The following IKZF3 variants were observed in gnomAD, a reference collection of about 807,000 sequenced individuals.
The protein encoded by IKZF3 is zinc finger protein Aiolos.
In IKZF3, 10 loss-of-function variants were observed where a neutral mutation model predicts 49.0. That is an observed-to-expected ratio of 0.20 (90% CI 0.13 to 0.35). The LOEUF is 0.35. Ranked by LOEUF, IKZF3 falls within the 10% of genes least tolerant of loss-of-function variation. IKZF3 has a pLI of 1.00. For synonymous variants in IKZF3, 209 were observed against 228.2 expected (o/e 0.92, Z 0.76); for missense variants, 498 against 664.8 (o/e 0.75, Z 2.76).
chr17:39,777,966 G>A, intron 6 of IKZF3, 199 bp from the exon 7 acceptor site: 1 of 1,253,076 alleles, frequency 8.0e-7, no homozygotes, highest in Non-Finnish European at 1.0e-6. Context: ...AAATCTTGCA[G>A]TCTTATGCCG....
intron 1 of IKZF3, among the ~76,000 whole-genome samples, chr17:39,863,192 G>GC (rs1568083579): frequency 6.6e-6 from 1 of 151,782 alleles, no homozygotes; most frequent in Non-Finnish European, 1.5e-5. Flanking sequence ...AAGTTTTCAA[G>GC]CCCTAATTAA....
chr17:39,850,396 G>T (rs1306294480), intron 1 of IKZF3, among the ~76,000 whole-genome samples: 2 of 109,936 alleles, frequency 1.8e-5, no homozygotes, highest in Non-Finnish European at 3.5e-5. Context: ...ATAGCATATT[G>T]TATGTATATA....
intron 1 of IKZF3, among the ~76,000 whole-genome samples, chr17:39,833,235 T>G (rs1226283413): frequency 6.6e-6 from 1 of 152,186 alleles, no homozygotes; most frequent in Non-Finnish European, 1.5e-5. Flanking sequence ...TAACTAAAAT[T>G]CAATATCTGT....
chr17:39,856,104 A>G (rs1232669885), intron 1 of IKZF3, among the ~76,000 whole-genome samples: 4 of 151,030 alleles, frequency 2.6e-5, no homozygotes, highest in Middle Eastern at 3.2e-3. Flanking sequence ...TGTATATTGT[A>G]TATGTACAAT....
At chr17:39,823,703 G>C (rs2061874575) in intron 3 of IKZF3, among the ~76,000 whole-genome samples, 1 of 152,198 alleles carries the variant, frequency 6.6e-6, no homozygotes, top group Non-Finnish European at 1.5e-5. Flanking sequence ...TACAGCTCAG[G>C]CTGTTGCTTC....
intron 3 of IKZF3, among the ~76,000 whole-genome samples, chr17:39,798,842 T>C (rs2061242319): frequency 6.6e-6 from 1 of 152,128 alleles, no homozygotes; most frequent in East Asian, 1.9e-4. Flanking sequence ...ACTAATATGC[T>C]GTCTCCTGGC....
intron 6 of IKZF3, among the ~76,000 whole-genome samples, chr17:39,779,780 T>G (rs1292557040): frequency 6.6e-6 from 1 of 152,084 alleles, no homozygotes; most frequent in African/African-American, 2.4e-5. Flanking sequence ...CATATTGTGA[T>G]GCTGTAAACA....
intron 3 of IKZF3, among the ~76,000 whole-genome samples, chr17:39,794,930 C>A (rs902919944): frequency 2.0e-5 from 3 of 152,116 alleles, no homozygotes; most frequent in Non-Finnish European, 4.4e-5. Context: ...TTTAAAAGAA[C>A]CTCAACGGAA....
At chr17:39,834,349 C>T (rs2062202098) in intron 1 of IKZF3, among the ~76,000 whole-genome samples, 1 of 152,212 alleles carries the variant, frequency 6.6e-6, no homozygotes, top group South Asian at 2.1e-4. Context: ...ATTTTAGTGA[C>T]TGACTTTATT....
At chr17:39,810,587 A>G (rs138157654) in intron 3 of IKZF3, among the ~76,000 whole-genome samples, 1 of 148,876 alleles carries the variant, frequency 6.7e-6, no homozygotes, top group East Asian at 2.0e-4. Flanking sequence ...TGAGTCATCT[A>G]TTGTTCATCC....
intron 3 of IKZF3, among the ~76,000 whole-genome samples, chr17:39,802,599 C>T (rs563937529): frequency 3.8e-4 from 55 of 145,134 alleles, no homozygotes; most frequent in Admixed American, 9.5e-4. Flanking sequence ...AGAGCGAGAC[C>T]CTGTCTCAAA....
rs145381687 is a variant in IKZF3, at chr17:39,839,281, G to A, written c.8-7130C>T. 2.1e-5 allele frequency: 9 copies of A among 423,834 alleles called. No individual in the cohort carries two copies. In the East Asian group the frequency reaches 4.0e-4, roughly 19 times the overall value. 26.3% of individuals were successfully genotyped at this position (423,834 alleles called of 1,614,324 possible). A position where few individuals can be genotyped will look rare whatever the true frequency, so the allele number is the denominator to read the frequency against. On this transcript the variant is annotated intron_variant, in intron 1 of 7. Coordinates refer to ENST00000346872, the MANE Select transcript of IKZF3 (RefSeq NM_012481.5). ...CCAATAAAACATGTTCAACTCTCCA[G>A]ACAGTGGTGACATTTTCAGCTTGAT...
At chr17:39,821,661 C>T (rs2061813232) in intron 3 of IKZF3, among the ~76,000 whole-genome samples, 2 of 152,170 alleles carry the variant, frequency 1.3e-5, no homozygotes, top group Admixed American at 6.5e-5. Context: ...TGCTGAACCA[C>T]GCTCAGATTC....
intron 5 of IKZF3, among the ~76,000 whole-genome samples, chr17:39,790,916 C>CCAAT (rs1416883439): frequency 2.0e-5 from 3 of 151,108 alleles, no homozygotes; most frequent in Non-Finnish European, 4.4e-5. Flanking sequence ...AAAAAGTGGG[C>CCAAT]CAATCAAGAG....
At chr17:39,794,648 A>C (rs921440541) in intron 3 of IKZF3, among the ~76,000 whole-genome samples, 1 of 152,244 alleles carries the variant, frequency 6.6e-6, no homozygotes, top group African/African-American at 2.4e-5. Context: ...GTAGGGCTGT[A>C]GGATAAGTCC....
At chr17:39,857,236 T>C (rs2063086847) in intron 1 of IKZF3, among the ~76,000 whole-genome samples, 1 of 152,220 alleles carries the variant, frequency 6.6e-6, no homozygotes, top group Non-Finnish European at 1.5e-5. Context: ...ATGATGTAAT[T>C]CCATATCCAT....
At chr17:39,840,079 G>A (rs1429205196) in intron 1 of IKZF3, among the ~76,000 whole-genome samples, 2 of 152,150 alleles carry the variant, frequency 1.3e-5, no homozygotes, top group East Asian at 3.9e-4. Context: ...TGGATTGAGG[G>A]GTTTCCTAGA....
chr17:39,758,049 C>T lies in IKZF3; in HGVS notation c.*7741G>A, dbSNP rs190888830. 3 of 152,324 alleles carry T rather than the reference C, an allele frequency of 2.0e-5. No homozygotes were observed. Among genetic ancestry groups the T allele is most frequent in the East Asian group, 1.9e-4 (1 of 5,178 alleles). 9.4% of individuals were successfully genotyped at this position (152,324 alleles called of 1,614,324 possible). On this transcript the variant is annotated 3_prime_UTR_variant, in exon 8 of 8. Transcript: ENST00000346872. ...AAGGGCTCCCTCCCGCCTTCCCTCC[C>T]AGTGGGAAGGCCACCCTGAGCCCCA...
chr17:39,838,424 T>C (rs1325796872), intron 1 of IKZF3, among the ~76,000 whole-genome samples: 1 of 152,214 alleles, frequency 6.6e-6, no homozygotes, highest in Non-Finnish European at 1.5e-5. Context: ...GAGTTTTCTT[T>C]TTCAGATATT....
Sources: gnomAD v4.1 joint callset for allele counts (sites outside exome capture counted in the v4.1 genomes callset) on GRCh38, gnomAD v4.1.1 for gene constraint, MANE v1.5 for transcripts, NCBI Gene and HGNC (gene_info 2026-07-23, HGNC 2026-07-21) for gene names.